Variants in ORC5 observed in about 807,000 individuals in gnomAD.
ORC5 encodes protein phosphatase 1, regulatory subunit 117.
Under a neutral mutation model 58.8 loss-of-function variants are expected in ORC5, and 39 were observed. The ratio of observed to expected loss-of-function variants is 0.66; its 90% CI spans 0.51 to 0.87. The LOEUF is 0.87. Ranked by LOEUF, ORC5 falls within the 40% of genes least tolerant of loss-of-function variation. The pLI, the probability that ORC5 is intolerant of heterozygous loss-of-function variation, is 0.00. For synonymous variants in ORC5, 218 were observed against 177.6 expected, an observed-to-expected ratio of 1.23 and a Z score of -1.81; for missense variants, 493 against 506.3, an observed-to-expected ratio of 0.97 and a Z score of 0.25.
At chr7:104,173,914 G>A (rs1356011064) in intron 8 of ORC5, among the ~76,000 whole-genome samples, 3 of 139,994 alleles carry the variant, frequency 2.1e-5, no homozygotes, top group Admixed American at 7.5e-5. Flanking sequence ...GCGGGATCTC[G>A]GCTCACTGCA....
At chr7:104,182,125 T>TA in intron 8 of ORC5, among the ~76,000 whole-genome samples, 1 of 152,240 alleles carries the variant, frequency 6.6e-6, no homozygotes, top group Middle Eastern at 3.4e-3. Flanking sequence ...ATAAAATTAC[T>TA]AAAAAGGGGG....
intron 12 of ORC5, among the ~76,000 whole-genome samples, chr7:104,155,000 A>C (rs1798900601): frequency 6.6e-6 from 1 of 151,864 alleles, no homozygotes; most frequent in South Asian, 2.1e-4. Flanking sequence ...CTAAATTATC[A>C]TTCTGCTTTC....
chr7:104,175,019 G>A (rs1012298617), intron 8 of ORC5, among the ~76,000 whole-genome samples: 1 of 152,120 alleles, frequency 6.6e-6, no homozygotes, highest in African/African-American at 2.4e-5. Flanking sequence ...CTTTCAAGTC[G>A]CCTGCTTGGC....
intron 13 of ORC5, among the ~76,000 whole-genome samples, chr7:104,134,031 T>C (rs1468138595): frequency 1.3e-5 from 2 of 152,148 alleles, no homozygotes; most frequent in African/African-American, 4.8e-5. Context: ...GGTAGCTCAA[T>C]TCTCAGTTGA....
At position 104,169,717 on chromosome 7, in the gene ORC5, T is replaced by G. The variant is rs138042489; in HGVS notation, c.825-1192A>C. ...TTCTTTGAGTATACTTTAAAAAAAG[T>G]AGTTTTAGCTTTTGAAGTATTCTTT... On this transcript the variant is annotated intron_variant, in intron 8 of 13. Coordinates refer to ENST00000297431, the MANE Select transcript of ORC5 (RefSeq NM_002553.4). 2.0e-3 allele frequency among the ~76,000 whole-genome samples: 308 copies of G among 152,246 alleles called. 1 individual carries two copies. Among genetic ancestry groups the G allele is most frequent in the African/African-American group, 6.7e-3 (277 of 41,540 alleles).
At chr7:104,173,993 C>T (rs1038314161) in intron 8 of ORC5, among the ~76,000 whole-genome samples, 25 of 151,190 alleles carry the variant, frequency 1.7e-4, no homozygotes, top group Admixed American at 1.4e-3. Context: ...TACAGGCGCC[C>T]GCCACTACGC....
intron 5 of ORC5, among the ~76,000 whole-genome samples, chr7:104,190,150 G>T (rs1400700726): frequency 6.6e-6 from 1 of 151,172 alleles, no homozygotes; most frequent in Non-Finnish European, 1.5e-5. Context: ...GAAACTGAGG[G>T]TAAAAAAAAA....
chr7:104,191,118 T>TG (rs1799665646), intron 5 of ORC5, among the ~76,000 whole-genome samples: 2 of 134,218 alleles, frequency 1.5e-5, no homozygotes, highest in Non-Finnish European at 3.1e-5. Flanking sequence ...TCAAAACTGC[T>TG]GAAAAAAAAA....
At position 104,128,678 on chromosome 7, in the gene ORC5, C is replaced by A. The variant is rs574133730; in HGVS notation, c.1263-1785G>T. ...TCCTAATGCTATCCCTCCCCCCTCC[C>A]CCCCACCCCACAACAGTCCCCAGAG... On this transcript the variant is annotated intron_variant, in intron 13 of 13. Coordinates refer to ENST00000297431, the MANE Select transcript of ORC5 (RefSeq NM_002553.4). Among the ~76,000 whole-genome samples, 11 of 119,428 alleles carry A rather than the reference C, an allele frequency of 9.2e-5. 1 individual carries two copies. The highest frequency in any genetic ancestry group is 7.9e-4 in the Admixed American group (9 of 11,396). 78.3% of individuals were successfully genotyped at this position (119,428 alleles called of 152,430 possible).
chr7:104,156,719 A>G (rs958565849), intron 12 of ORC5, among the ~76,000 whole-genome samples: 4 of 151,896 alleles, frequency 2.6e-5, no homozygotes, highest in African/African-American at 9.7e-5. Flanking sequence ...ATCATCTCAT[A>G]TAGACACATT....
chr7:104,175,110 C>T (rs1799295814), intron 8 of ORC5, among the ~76,000 whole-genome samples: 1 of 152,194 alleles, frequency 6.6e-6, no homozygotes, highest in Non-Finnish European at 1.5e-5. Flanking sequence ...CTAAAACTTG[C>T]CTGTCTCTCC....
rs1798550536 is a variant in ORC5, at chr7:104,133,937, G to C, written c.1262+2844C>G. On this transcript the variant is annotated intron_variant, in intron 13 of 13. Transcript: ENST00000297431. This position sits in a 1 kb window ranked among gnomAD's most constrained non-coding sequence, Gnocchi z 4.7. ...GGGAAAGTGGAGGAGATGGAATTCAGAGCATAGGTAGAAGAATCTACCTTA... is the reference window on the plus strand; with the variant it reads ...GGGAAAGTGGAGGAGATGGAATTCACAGCATAGGTAGAAGAATCTACCTTA... Among the ~76,000 whole-genome samples, 1 of 152,104 alleles carries C rather than the reference G, an allele frequency of 6.6e-6. No individual in the cohort carries two copies. The highest frequency in any genetic ancestry group is 2.4e-5 in the African/African-American group (1 of 41,394).
rs1333977645 is a variant in ORC5 at position 104,140,742 on chromosome 7, A to G, written c.1150-3849T>C. On this transcript the variant is annotated intron_variant, in intron 12 of 13. Transcript: ENST00000297431. ...TCCAGCTGATGACAACAGAGCACAAAGCATGCCCACCATGTGGGATGACTT... is the reference window on the plus strand; with the variant it reads ...TCCAGCTGATGACAACAGAGCACAAGGCATGCCCACCATGTGGGATGACTT... Among the ~76,000 whole-genome samples the G allele has an allele frequency of 2.0e-5, 3 of 152,210 alleles. No homozygotes were observed. The East Asian group carries it at 5.8e-4, about 29-fold the overall frequency.
At chr7:104,191,326 A>C (rs1352009845) in intron 5 of ORC5, among the ~76,000 whole-genome samples, 2 of 152,126 alleles carry the variant, frequency 1.3e-5, no homozygotes, top group African/African-American at 4.8e-5. Flanking sequence ...GGATGTAAGA[A>C]AAGAGAGATG....
At chr7:104,132,495 G>A (rs929733364) in intron 13 of ORC5, among the ~76,000 whole-genome samples, 5 of 151,988 alleles carry the variant, frequency 3.3e-5, no homozygotes, top group Non-Finnish European at 5.9e-5. Flanking sequence ...ACTATCCTTG[G>A]GACTTCCTCT....
intron 12 of ORC5, among the ~76,000 whole-genome samples, chr7:104,155,617 T>G (rs79687775): frequency 0.019 from 2,899 of 151,650 alleles, 82 homozygotes; most frequent in African/African-American, 0.066. Context: ...TTAAAACATA[T>G]TCCTTTTACA....
intron 10 of ORC5, among the ~76,000 whole-genome samples, chr7:104,166,172 T>C (rs931600220): frequency 7.2e-5 from 11 of 152,144 alleles, no homozygotes; most frequent in African/African-American, 2.4e-4. Context: ...TACTTTAAGA[T>C]AGGTTGTACA....
At chr7:104,187,209 T>C (rs1181758585) in intron 6 of ORC5, among the ~76,000 whole-genome samples, 1 of 152,206 alleles carries the variant, frequency 6.6e-6, no homozygotes, top group Non-Finnish European at 1.5e-5. Flanking sequence ...ATCATTTCCC[T>C]CAGAAGCCAG....
At chr7:104,135,141 T>G (rs1157658981) in intron 13 of ORC5, among the ~76,000 whole-genome samples, 2 of 152,106 alleles carry the variant, frequency 1.3e-5, no homozygotes, top group African/African-American at 2.4e-5. Context: ...AAACTTCTGT[T>G]TTGCACATGA....
Sources: gnomAD v4.1 joint callset for allele counts (sites outside exome capture counted in the v4.1 genomes callset) on GRCh38, gnomAD v4.1.1 for gene constraint, Gnocchi (gnomAD v3.1) non-coding constraint, MANE v1.5 for transcripts, NCBI Gene and HGNC (gene_info 2026-07-23, HGNC 2026-07-21) for gene names.